Variants in CREB5 observed in about 807,000 individuals in gnomAD.
CREB5 encodes the protein cyclic AMP-responsive element-binding protein 5.
A neutral mutation model predicts 57.1 loss-of-function variants in CREB5; 19 were observed. That is an observed-to-expected ratio of 0.33 (90% CI 0.23 to 0.49). The LOEUF is 0.49. Among genes scored for constraint, CREB5 ranks in the 20% least tolerant of loss-of-function variants. The pLI is 0.99. For synonymous variants in CREB5, 238 were observed against 238.3 expected, an observed-to-expected ratio of 1.00 and a Z score of 0.01; for missense variants, 579 against 671.6, an observed-to-expected ratio of 0.86 and a Z score of 1.52.
intron 5 of CREB5, among the ~76,000 whole-genome samples, chr7:28,643,981 G>A (rs551619472): frequency 6.6e-6 from 1 of 152,134 alleles, no homozygotes; most frequent in East Asian, 1.9e-4. Flanking sequence ...GGGAGGCTGA[G>A]GTGGGAGAAT....
intron 4 of CREB5, among the ~76,000 whole-genome samples, chr7:28,539,109 T>G (rs1321367868): frequency 1.3e-5 from 2 of 152,222 alleles, no homozygotes; most frequent in African/African-American, 4.8e-5. Flanking sequence ...TTGCTTAATC[T>G]CTACATGTCT....
At chr7:28,712,081 A>G (rs1032801280) in intron 5 of CREB5, among the ~76,000 whole-genome samples, 1 of 152,188 alleles carries the variant, frequency 6.6e-6, no homozygotes, top group Non-Finnish European at 1.5e-5. Flanking sequence ...CTGGTAAGTG[A>G]TAGAGCTAGG....
intron 4 of CREB5, among the ~76,000 whole-genome samples, chr7:28,523,633 C>T (rs1212125703): frequency 2.6e-5 from 4 of 152,200 alleles, no homozygotes; most frequent in Non-Finnish European, 5.9e-5. Flanking sequence ...CATGTCTTTT[C>T]TGCTCAGGAA....
intron 6 of CREB5, among the ~76,000 whole-genome samples, chr7:28,721,750 G>A (rs1240636957): frequency 6.6e-6 from 1 of 152,220 alleles, no homozygotes; most frequent in African/African-American, 2.4e-5. Flanking sequence ...GAAGAACAAG[G>A]CAGGCATTGC....
chr7:28,695,879 T>C (rs1303837305), intron 5 of CREB5, among the ~76,000 whole-genome samples: 1 of 152,220 alleles, frequency 6.6e-6, no homozygotes, highest in Non-Finnish European at 1.5e-5. Flanking sequence ...CTTTGCACTT[T>C]AATCCCAAAG....
chr7:28,436,359 G>C (rs1377197976), intron 1 of CREB5, among the ~76,000 whole-genome samples: 1 of 152,066 alleles, frequency 6.6e-6, no homozygotes, highest in Non-Finnish European at 1.5e-5. Flanking sequence ...TTTGTGTTTA[G>C]CCTGTGTGTG....
intron 5 of CREB5, chr7:28,685,975 G>A: frequency 1.6e-6 from 1 of 614,794 alleles, no homozygotes; most frequent in Non-Finnish European, 2.8e-6. Flanking sequence ...GGCGAGACCA[G>A]GAGAAAGAGA....
intron 5 of CREB5, among the ~76,000 whole-genome samples, chr7:28,612,643 G>A (rs1298856655): frequency 6.6e-6 from 1 of 151,248 alleles, no homozygotes; most frequent in Non-Finnish European, 1.5e-5. Flanking sequence ...GAAAGTAGGG[G>A]TTTCCAAGGA....
At chr7:28,780,842 A>G (rs971505838) in intron 7 of CREB5, among the ~76,000 whole-genome samples, 4 of 152,202 alleles carry the variant, frequency 2.6e-5, no homozygotes, top group African/African-American at 9.6e-5. Flanking sequence ...GTAACTGCAG[A>G]CTATTTTCTC....
At chr7:28,409,761 G>T, upstream of CREB5, 1 of 376,928 alleles carries the variant, frequency 2.7e-6, no homozygotes, top group South Asian at 2.0e-5. This position sits in a 1 kb window ranked among gnomAD's most constrained non-coding sequence, Gnocchi z 4.4. Flanking sequence ...CTCGGTGGCC[G>T]CCGCGCCGCG....
chr7:28,816,647 A>C (rs1437398853), intron 9 of CREB5, among the ~76,000 whole-genome samples: 1 of 152,232 alleles, frequency 6.6e-6, no homozygotes, highest in African/African-American at 2.4e-5. Context: ...AAATTTAGAA[A>C]TGGGAGATAT....
chr7:28,348,369 TTC>T (rs1219520376), intron 1 of CREB5, among the ~76,000 whole-genome samples: 1 of 123,148 alleles, frequency 8.1e-6, no homozygotes, highest in African/African-American at 3.1e-5. Flanking sequence ...TGCGCCTGCT[TTC>T]TCTCTCTCTC....
intron 5 of CREB5, among the ~76,000 whole-genome samples, chr7:28,690,907 C>T (rs953296142): frequency 1.3e-5 from 2 of 152,134 alleles, no homozygotes; most frequent in African/African-American, 4.8e-5. Context: ...GTCCTAGAAA[C>T]AGAGAAGTAA....
intron 4 of CREB5, among the ~76,000 whole-genome samples, chr7:28,522,225 C>T (rs1358892030): frequency 6.6e-6 from 1 of 152,022 alleles, no homozygotes; most frequent in African/African-American, 2.4e-5. Context: ...GTGTGTTTCC[C>T]GCTACTTCAG....
chr7:28,775,155 C>A (rs1806546579), intron 7 of CREB5, among the ~76,000 whole-genome samples: 1 of 152,036 alleles, frequency 6.6e-6, no homozygotes, highest in African/African-American at 2.4e-5. Context: ...CTTAAAGAAA[C>A]CTGTGGTCCC....
intron 4 of CREB5, among the ~76,000 whole-genome samples, chr7:28,517,685 C>A: frequency 6.6e-6 from 1 of 152,140 alleles, no homozygotes; most frequent in South Asian, 2.1e-4. Context: ...CTTTGGGTGG[C>A]CACGCACCTC....
intron 6 of CREB5, among the ~76,000 whole-genome samples, chr7:28,720,433 CA>C (rs1802962103): frequency 6.6e-6 from 1 of 152,178 alleles, no homozygotes; most frequent in African/African-American, 2.4e-5. Flanking sequence ...GGTAGCTGTC[CA>C]ATGTCACACA....
chr7:28,575,714 A>T lies in CREB5; in HGVS notation c.464+5177A>T, dbSNP rs567801179. Among the ~76,000 whole-genome samples the T allele has an allele frequency of 2.0e-5, 3 of 152,354 alleles. No individual in the cohort carries two copies. In the East Asian group the frequency reaches 5.8e-4, roughly 29 times the overall value. On this transcript the variant is annotated intron_variant, in intron 5 of 10. Transcript: ENST00000357727. ...TTGTGTTTTGCTGAATATCACGGCT[A>T]TGAACATAGCTTTATTGTTGGAAAG...
Position 28,708,164 on chromosome 7 carries a change from GC to G in CREB5, c.465-10588del, listed in dbSNP as rs1802218103. Among the ~76,000 whole-genome samples the G allele has an allele frequency of 1.4e-4, 22 of 152,292 alleles. No individual in the cohort carries two copies. The South Asian group carries it at 4.4e-3, about 30-fold the overall frequency. ...TGAAGAGTTTGCTCAGCCTTGTTAG[GC>G]AATGCCCCTTTCCTTGTTCATGTTT... On this transcript the variant is annotated intron_variant, in intron 5 of 10. Coordinates refer to ENST00000357727, the MANE Select transcript of CREB5 (RefSeq NM_182898.4).
Sources: allele counts gnomAD v4.1 joint callset (sites outside exome capture counted in the v4.1 genomes callset), GRCh38; gene constraint gnomAD v4.1.1; non-coding constraint Gnocchi (gnomAD v3.1); transcripts MANE v1.5; gene names NCBI Gene and HGNC (gene_info 2026-07-23, HGNC 2026-07-21).